Variants in CDH4 observed in about 807,000 individuals in gnomAD.
The protein encoded by CDH4 is cadherin-4.
In CDH4, 33 loss-of-function variants were observed where a neutral mutation model predicts 86.0. That is an observed-to-expected ratio of 0.38 (90% CI 0.29 to 0.51). CDH4 has a LOEUF of 0.51. Ranked by LOEUF, CDH4 falls within the 20% of genes least tolerant of loss-of-function variation. The pLI, the probability that CDH4 is intolerant of heterozygous loss-of-function variation, is 0.86. For missense variants in CDH4, 1,114 were observed against 1,307.4 expected (o/e 0.85, Z 2.28); for synonymous variants, 555 against 549.4 (o/e 1.01, Z -0.14).
intron 2 of CDH4, among the ~76,000 whole-genome samples, chr20:61,430,669 C>T (rs542220369): frequency 5.9e-5 from 9 of 152,178 alleles, no homozygotes; most frequent in Non-Finnish European, 1.0e-4. Flanking sequence ...ACAGATCAGT[C>T]GCCAGTCCTG....
chr20:61,660,751 C>T (rs984933784), intron 2 of CDH4, among the ~76,000 whole-genome samples: 5 of 152,124 alleles, frequency 3.3e-5, no homozygotes, highest in African/African-American at 9.7e-5. Flanking sequence ...GTTTGGCTGG[C>T]AGTTGCTTTA....
chr20:61,314,057 C>T (rs1237606020), intron 2 of CDH4, among the ~76,000 whole-genome samples: 10 of 152,320 alleles, frequency 6.6e-5, no homozygotes, highest in South Asian at 2.1e-4. Context: ...ATTTTATATA[C>T]GTATGATTCT....
intron 2 of CDH4, among the ~76,000 whole-genome samples, chr20:61,397,099 G>A (rs568732621): frequency 4.6e-5 from 7 of 152,104 alleles, no homozygotes; most frequent in East Asian, 3.9e-4. Context: ...TTTGTAATAC[G>A]GGGTTTTGCC....
intron 2 of CDH4, among the ~76,000 whole-genome samples, chr20:61,493,951 C>G (rs1052839173): frequency 1.3e-5 from 2 of 152,158 alleles, no homozygotes; most frequent in African/African-American, 2.4e-5. Flanking sequence ...CACAAACCTC[C>G]CCCTGAAGCA....
chr20:61,259,275 G>A (rs1304545721), intron 2 of CDH4, among the ~76,000 whole-genome samples: 2 of 152,198 alleles, frequency 1.3e-5, no homozygotes, highest in African/African-American at 4.8e-5. Flanking sequence ...CTGCCACACT[G>A]CATGGCCAGA....
chr20:61,362,775 G>C (rs2084791112), intron 2 of CDH4, among the ~76,000 whole-genome samples: 1 of 152,146 alleles, frequency 6.6e-6, no homozygotes, highest in Non-Finnish European at 1.5e-5. Flanking sequence ...ATTAGGGAAG[G>C]AAGGAGGTGG....
At chr20:61,511,087 C>T (rs1220405063) in intron 2 of CDH4, among the ~76,000 whole-genome samples, 1 of 152,250 alleles carries the variant, frequency 6.6e-6, no homozygotes, top group East Asian at 1.9e-4. Flanking sequence ...CCACAGGCCC[C>T]ACCTCCAACA....
At chr20:61,751,870 C>T (rs1354717944) in intron 3 of CDH4, among the ~76,000 whole-genome samples, 1 of 152,190 alleles carries the variant, frequency 6.6e-6, no homozygotes, top group East Asian at 1.9e-4. Flanking sequence ...AAAATGACCC[C>T]TACCTCACAC....
intron 2 of CDH4, among the ~76,000 whole-genome samples, chr20:61,552,894 A>G (rs1387780283): frequency 6.6e-6 from 1 of 152,202 alleles, no homozygotes; most frequent in Non-Finnish European, 1.5e-5. Flanking sequence ...ACCTCCTCAA[A>G]AAGTTAAAAA....
At chr20:61,600,057 C>G in intron 2 of CDH4, 2 of 677,212 alleles carry the variant, frequency 3.0e-6, no homozygotes, top group Non-Finnish European at 3.6e-6. Flanking sequence ...TCTATTTGAA[C>G]AGACTGTCTG....
At chr20:61,454,741 T>A (rs367661822) in intron 2 of CDH4, among the ~76,000 whole-genome samples, 99 of 152,222 alleles carry the variant, frequency 6.5e-4, no homozygotes, top group African/African-American at 2.2e-3. Context: ...CACCGCGCCC[T>A]GCTGGGAGGA....
intron 2 of CDH4, among the ~76,000 whole-genome samples, chr20:61,695,794 C>G (rs2087709208): frequency 6.6e-6 from 1 of 152,246 alleles, no homozygotes. Flanking sequence ...CACCAACCTC[C>G]TTCGTCCAAT....
rs1327910354 is a variant in CDH4 at position 61,793,709 on chromosome 20, A to AT, written c.576+20527_576+20528insT. ...ACAAAAATTAGCTGGGCATGGTGGC[A>AT]GACACCTGTAATCCCAGCTACTTGG... On this transcript the variant is annotated intron_variant, in intron 4 of 15. Transcript: ENST00000614565. 7.2e-5 allele frequency among the ~76,000 whole-genome samples: 11 copies of AT among 152,010 alleles called. 1 individual carries two copies. In the South Asian group the frequency reaches 2.3e-3, roughly 32 times the overall value.
intron 2 of CDH4, among the ~76,000 whole-genome samples, chr20:61,397,185 C>T (rs2085022368): frequency 6.6e-6 from 1 of 152,152 alleles, no homozygotes; most frequent in Non-Finnish European, 1.5e-5. Context: ...GCTGGGATTA[C>T]AGGTGTGCAC....
At chr20:61,693,120 T>C (rs1363806008) in intron 2 of CDH4, among the ~76,000 whole-genome samples, 2 of 152,124 alleles carry the variant, frequency 1.3e-5, no homozygotes, top group African/African-American at 2.4e-5. Context: ...CTCAGCCTGG[T>C]GACAATCAGA....
At chr20:61,710,447 T>C (rs2087877597) in intron 2 of CDH4, among the ~76,000 whole-genome samples, 1 of 152,238 alleles carries the variant, frequency 6.6e-6, no homozygotes, top group South Asian at 2.1e-4. Flanking sequence ...CCCTGAGTCC[T>C]CGCTCCTGCG....
intron 2 of CDH4, among the ~76,000 whole-genome samples, chr20:61,567,057 C>A (rs1038794406): frequency 2.6e-5 from 4 of 152,196 alleles, no homozygotes; most frequent in African/African-American, 9.7e-5. Flanking sequence ...TCCAAACGCC[C>A]ATATCCGTTA....
At chr20:61,752,988 C>T (rs1436340332) in intron 3 of CDH4, among the ~76,000 whole-genome samples, 1 of 152,134 alleles carries the variant, frequency 6.6e-6, no homozygotes, top group African/African-American at 2.4e-5. Flanking sequence ...CGCTGTTGTA[C>T]TTATAGTCTA....
rs537835562 is a variant in CDH4 at position 61,713,418 on chromosome 20, G to A, written c.170-30145G>A. ...GAAATGGGTCCTGTGTACTCTAAGC[G>A]TGGAACTTTGTTTCTTAGCTTTGTT... On this transcript the variant is annotated intron_variant, in intron 2 of 15. Coordinates refer to ENST00000614565, the MANE Select transcript of CDH4 (RefSeq NM_001794.5). 1.6e-4 allele frequency among the ~76,000 whole-genome samples: 25 copies of A among 152,314 alleles called. 2 individuals carry two copies. In the South Asian group the frequency reaches 2.3e-3, roughly 14 times the overall value.
Sources: gnomAD v4.1 joint callset for allele counts (sites outside exome capture counted in the v4.1 genomes callset) on GRCh38, gnomAD v4.1.1 for gene constraint, MANE v1.5 for transcripts, NCBI Gene and HGNC (gene_info 2026-07-23, HGNC 2026-07-21) for gene names.